SH3PXD2A: variants seen among roughly 807,000 people sequenced by gnomAD.
SH3PXD2A encodes the protein SH3 and PX domain-containing protein 2A.
Under a neutral mutation model 115.2 loss-of-function variants are expected in SH3PXD2A, and 32 were observed. The ratio of observed to expected loss-of-function variants is 0.28; its 90% CI spans 0.21 to 0.37. SH3PXD2A has a LOEUF of 0.37. Ranked by LOEUF, SH3PXD2A falls within the 10% of genes least tolerant of loss-of-function variation. The probability of loss-of-function intolerance (pLI) is 1.00; values close to 1 mark genes in which losing one functional copy is unlikely to be tolerated. For synonymous variants in SH3PXD2A, 610 were observed against 629.1 expected (o/e 0.97, Z 0.45); for missense variants, 1,328 against 1,498.7 (o/e 0.89, Z 1.88).
rs1298778189 is a variant in SH3PXD2A at position 103,627,379 on chromosome 10, TA to T, written c.605-178del. The stretch of plus-strand genomic sequence containing the variant: ...AGCCTCGAGGAGCCTGCGTCTGTTC[TA>T]AGGCAGAAACGACCAGCACACTTCC... On this transcript the variant is annotated intron_variant, in intron 8 of 14. Coordinates refer to ENST00000369774, the MANE Select transcript of SH3PXD2A (RefSeq NM_001394015.1). This position sits in a 1 kb window ranked among gnomAD's most constrained non-coding sequence, Gnocchi z 4.4. Among the ~76,000 whole-genome samples, 1 of 152,228 alleles carries T rather than the reference TA, an allele frequency of 6.6e-6. No homozygotes were observed. Among genetic ancestry groups the T allele is most frequent in the Non-Finnish European group, 1.5e-5 (1 of 68,046 alleles).
At position 103,603,683 on chromosome 10, in the gene SH3PXD2A, C is replaced by T. The variant is rs767484015; in HGVS notation, c.1535G>A (p.Arg512His). ...IDKRKKPNLS[R>H]RTSTLTRPKV... ...GGGCCGGGTCAGCGTGCTTGTGCGG[C>T]GGCTCAGGTTGGGCTTCTTGCGCTT... is the stretch of plus-strand genomic sequence containing the variant. Residue 512 changes from arginine (R) to histidine (H), a missense_variant, in exon 15 of 15, where the codon CGC becomes CAC. Transcript: ENST00000369774. The T allele has an allele frequency of 2.3e-5, 37 of 1,607,872 alleles. No individual in the cohort carries two copies. Among genetic ancestry groups the T allele is most frequent in the African/African-American group, 9.3e-5 (7 of 74,970 alleles).
intron 13 of SH3PXD2A, among the ~76,000 whole-genome samples, chr10:103,607,829 A>C (rs1399901578): frequency 6.6e-6 from 1 of 152,108 alleles, no homozygotes. Context: ...CTGCCTTGGG[A>C]TCCTGTTGAT....
chr10:103,855,165 C>A (rs761623863), intron 1 of SH3PXD2A, 30 bp downstream of exon 1: 1 of 1,507,348 alleles, frequency 6.6e-7, no homozygotes, highest in South Asian at 1.3e-5. Context: ...TCGGGCCACC[C>A]CCAGCAGGGT....
rs376498733 is a variant in SH3PXD2A, at chr10:103,701,145, TATCCATCCATCC to T, written c.399-8101_399-8090del. Among the ~76,000 whole-genome samples the T allele has an allele frequency of 1.6e-4, 9 of 55,352 alleles. 1 individual carries two copies. Among genetic ancestry groups the T allele is most frequent in the Non-Finnish European group, 2.5e-4 (7 of 28,354 alleles). The allele number at this position is 55,352 out of a possible 152,430, so 36.3% of individuals were successfully genotyped here. ...CATCATCCATCCATCATCCATCCACTATCCATCCATCCATCCATCCATCCATCCATCCACCAT... is the reference window on the plus strand; with the variant it reads ...CATCATCCATCCATCATCCATCCACTATCCATCCATCCATCCATCCACCAT... On this transcript the variant is annotated intron_variant, in intron 5 of 14. Coordinates refer to ENST00000369774, the MANE Select transcript of SH3PXD2A (RefSeq NM_001394015.1).
chr10:103,844,892 C>A (rs984230486), intron 1 of SH3PXD2A, among the ~76,000 whole-genome samples: 1 of 152,198 alleles, frequency 6.6e-6, no homozygotes, highest in African/African-American at 2.4e-5. Flanking sequence ...ACCAGAGCAA[C>A]TCCATCTTGA....
At position 103,726,872 on chromosome 10, in the gene SH3PXD2A, G is replaced by C. The variant is rs574195644; in HGVS notation, c.307-2511C>G. 3.3e-4 allele frequency among the ~76,000 whole-genome samples: 51 copies of C among 152,302 alleles called. No individual in the cohort carries two copies. In the South Asian group the frequency reaches 5.6e-3, roughly 17 times the overall value. On this transcript the variant is annotated intron_variant, in intron 4 of 14. Transcript: ENST00000369774. ...TAAGACCAGACCATGGCAGATAAGA[G>C]AGCATGATGTAACCCTCAGTCATTC...
At chr10:103,787,638 G>A (rs986993645) in intron 2 of SH3PXD2A, among the ~76,000 whole-genome samples, 1 of 152,192 alleles carries the variant, frequency 6.6e-6, no homozygotes, top group African/African-American at 2.4e-5. Context: ...GCTGGCCTCC[G>A]CCAGGGCTGC....
chr10:103,699,699 C>G (rs2037868543), intron 5 of SH3PXD2A, among the ~76,000 whole-genome samples: 1 of 152,164 alleles, frequency 6.6e-6, no homozygotes, highest in Non-Finnish European at 1.5e-5. Context: ...GCAGCAACCT[C>G]CAGGCAAGAC....
At chr10:103,637,359 G>T (rs1230473092) in intron 8 of SH3PXD2A, among the ~76,000 whole-genome samples, 1 of 152,172 alleles carries the variant, frequency 6.6e-6, no homozygotes, top group Non-Finnish European at 1.5e-5. Flanking sequence ...GTTACTCTTG[G>T]TCCTTCACAT....
intron 13 of SH3PXD2A, among the ~76,000 whole-genome samples, chr10:103,611,027 C>A (rs1230148587): frequency 6.6e-6 from 1 of 152,214 alleles, no homozygotes; most frequent in Non-Finnish European, 1.5e-5. Flanking sequence ...TCTACCTGCC[C>A]GAGGGTCTGG....
intron 8 of SH3PXD2A, among the ~76,000 whole-genome samples, chr10:103,657,237 G>A (rs1402804435): frequency 6.6e-6 from 1 of 151,214 alleles, no homozygotes; most frequent in African/African-American, 2.4e-5. Flanking sequence ...AAATTTTGTT[G>A]ACTCATCTCC....
At chr10:103,702,280 C>A (rs2037923728) in intron 5 of SH3PXD2A, among the ~76,000 whole-genome samples, 1 of 152,258 alleles carries the variant, frequency 6.6e-6, no homozygotes, top group Admixed American at 6.5e-5. Context: ...CACTGTCCTG[C>A]CCTCTTTTTC....
rs2037780249 is a variant in SH3PXD2A at position 103,693,161 on chromosome 10, C to T, written c.399-105G>A. 38 of 870,344 alleles carry T rather than the reference C, an allele frequency of 4.4e-5. No individual in the cohort carries two copies. In the South Asian group the frequency reaches 5.3e-4, roughly 12 times the overall value. The allele number at this position is 870,344 out of a possible 1,614,324, so 53.9% of individuals were successfully genotyped here. A position where few individuals can be genotyped will look rare whatever the true frequency, so the allele number is the denominator to read the frequency against. On this transcript the variant is annotated intron_variant, in intron 5 of 14. Transcript: ENST00000369774. ...GCTGGCTGCGGTCGGTCCCCGGTGC[C>T]GCTGCTCATGTGATGCCCACGGCCG...
intron 2 of SH3PXD2A, among the ~76,000 whole-genome samples, chr10:103,782,936 G>GAGC (rs56334613): frequency 6.6e-6 from 1 of 151,176 alleles, no homozygotes; most frequent in Non-Finnish European, 1.5e-5. Flanking sequence ...CATGCCTTGG[G>GAGC]GGGGGGGGCT....
intron 11 of SH3PXD2A, among the ~76,000 whole-genome samples, chr10:103,616,887 CAGA>C (rs2036526841): frequency 6.6e-6 from 1 of 152,276 alleles, no homozygotes; most frequent in African/African-American, 2.4e-5. Context: ...AAACCAAATT[CAGA>C]TGTGCTGAGC....
rs758001725 is a variant in SH3PXD2A, at chr10:103,602,535, C to G, written c.2683G>C (p.Val895Leu). Residue 895 changes from valine (V) to leucine (L), a missense_variant, in exon 15 of 15, where the codon GTG becomes CTG. This residue lies in a region of SH3PXD2A where 574 missense variants were observed against 565.7 expected (regional missense o/e 1.01). Coordinates refer to ENST00000369774, the MANE Select transcript of SH3PXD2A (RefSeq NM_001394015.1). The part of the protein sequence containing the change: ...LEGWAPSHYL[V>L]LDENEQPDPS... ...TCAGGTTGCTCGTTCTCATCCAGCA[C>G]CAAATAGTGGGAAGGGGCCCAGCCC... The G allele has an allele frequency of 6.2e-7, 1 of 1,614,188 alleles. No homozygotes were observed. The highest frequency in any genetic ancestry group is 1.7e-5 in the Admixed American group (1 of 60,026).
At chr10:103,685,744 G>T (rs1346677075) in intron 6 of SH3PXD2A, among the ~76,000 whole-genome samples, 3 of 152,160 alleles carry the variant, frequency 2.0e-5, no homozygotes, top group East Asian at 1.9e-4. Flanking sequence ...GAGCCATAGA[G>T]AAGGACTTGC....
At chr10:103,608,392 C>T (rs1165141527) in intron 13 of SH3PXD2A, among the ~76,000 whole-genome samples, 5 of 125,950 alleles carry the variant, frequency 4.0e-5, no homozygotes, top group African/African-American at 1.2e-4. Context: ...TACTTTGTTA[C>T]AGCAGCCCCC....
chr10:103,660,262 T>C (rs1190162364), intron 8 of SH3PXD2A, among the ~76,000 whole-genome samples: 1 of 152,060 alleles, frequency 6.6e-6, no homozygotes, highest in Non-Finnish European at 1.5e-5. Flanking sequence ...ACTGACAGGC[T>C]TGGGCTCTCC....
Sources: gnomAD v4.1 joint callset for allele counts (sites outside exome capture counted in the v4.1 genomes callset) on GRCh38, gnomAD v4.1.1 for gene constraint, gnomAD v4.1.1 regional missense constraint, Gnocchi (gnomAD v3.1) non-coding constraint, MANE v1.5 for transcripts, NCBI Gene and HGNC (gene_info 2026-07-23, HGNC 2026-07-21) for gene names.